Variants in CCDC7 observed in about 807,000 individuals in gnomAD.
CCDC7 encodes the protein coiled-coil domain-containing protein 7.
Under a neutral mutation model 196.9 loss-of-function variants are expected in CCDC7, and 183 were observed. That is an observed-to-expected ratio of 0.93 (90% CI 0.82 to 1.05). The LOEUF (loss-of-function observed/expected upper bound fraction) is 1.05, where lower values mean the gene tolerates loss of function less well. Ranked by LOEUF, CCDC7 falls within the 50% of genes least tolerant of loss-of-function variation. The pLI is 0.00. For synonymous variants in CCDC7, 525 were observed against 484.6 expected, an observed-to-expected ratio of 1.08 and a Z score of -1.10; for missense variants, 1,540 against 1,482.2, an observed-to-expected ratio of 1.04 and a Z score of -0.64.
intron 25 of CCDC7, among the ~76,000 whole-genome samples, chr10:32,714,013 G>A (rs535584097): frequency 2.6e-5 from 4 of 152,278 alleles, no homozygotes; most frequent in South Asian, 2.1e-4. Flanking sequence ...GACTATCAGC[G>A]TGGCTGGCCA....
chr10:32,577,992 G>C (rs2058385383), intron 16 of CCDC7, among the ~76,000 whole-genome samples: 1 of 152,154 alleles, frequency 6.6e-6, no homozygotes, highest in South Asian at 2.1e-4. Context: ...CAAATAACTT[G>C]AAGTATTTTT....
intron 29 of CCDC7, among the ~76,000 whole-genome samples, chr10:32,789,362 GC>G (rs1289342050): frequency 6.6e-6 from 1 of 151,842 alleles, no homozygotes; most frequent in Admixed American, 6.6e-5. Context: ...AGGAAAATAA[GC>G]AAAATGAACT....
At chr10:32,650,608 G>C (rs2068578073) in intron 20 of CCDC7, among the ~76,000 whole-genome samples, 1 of 152,154 alleles carries the variant, frequency 6.6e-6, no homozygotes. Flanking sequence ...GGCATGGCTA[G>C]GTCTCACACC....
At chr10:32,874,477 T>G (rs1041565484) in intron 41 of CCDC7, among the ~76,000 whole-genome samples, 12 of 151,622 alleles carry the variant, frequency 7.9e-5, no homozygotes, top group African/African-American at 2.7e-4. Context: ...ATTATACCAC[T>G]CTGTATGCCT....
At chr10:32,728,462 G>T (rs1200738932) in intron 26 of CCDC7, among the ~76,000 whole-genome samples, 1 of 151,872 alleles carries the variant, frequency 6.6e-6, no homozygotes, top group Non-Finnish European at 1.5e-5. Context: ...CATTGTTTGT[G>T]GTATATATAT....
Position 32,544,099 on chromosome 10 carries a change from C to T in CCDC7, c.1080-148C>T, listed in dbSNP as rs2051994984. The T allele has an allele frequency of 1.1e-5, 6 of 553,784 alleles. No individual in the cohort carries two copies. In the South Asian group the frequency reaches 1.6e-4, roughly 15 times the overall value. 34.3% of individuals were successfully genotyped at this position (553,784 alleles called of 1,614,324 possible). ...GTTATTCAGTTGTTTGTAATTTAGC[C>T]TGTATGAATTTTATGTCTCTTAGAA... On this transcript the variant is annotated intron_variant, in intron 12 of 41. Coordinates refer to ENST00000639629, the Ensembl canonical transcript of CCDC7.
At chr10:32,808,844 G>T (rs763844012) in intron 30 of CCDC7, among the ~76,000 whole-genome samples, 1 of 151,934 alleles carries the variant, frequency 6.6e-6, no homozygotes, top group Non-Finnish European at 1.5e-5. Flanking sequence ...TTATACAGAG[G>T]CCGTATACCA....
intron 28 of CCDC7, among the ~76,000 whole-genome samples, chr10:32,734,146 C>G (rs2084452010): frequency 6.6e-6 from 1 of 152,146 alleles, no homozygotes. Context: ...CATCGCAGCA[C>G]TATTCACAAC....
chr10:32,565,515 A>C (rs1443089952), intron 13 of CCDC7, 43 bp from the exon 15 acceptor site: 10 of 1,579,082 alleles, frequency 6.3e-6, no homozygotes, highest in Non-Finnish European at 8.6e-6. Context: ...ATTAATTAAA[A>C]ATACCAAAGT....
At chr10:32,668,200 G>T in intron 21 of CCDC7, among the ~76,000 whole-genome samples, 1 of 152,130 alleles carries the variant, frequency 6.6e-6, no homozygotes. Flanking sequence ...GAATGCTTGT[G>T]ATTTTTGCAC....
intron 28 of CCDC7, among the ~76,000 whole-genome samples, chr10:32,761,459 T>C (rs932763056): frequency 6.6e-6 from 1 of 151,978 alleles, no homozygotes; most frequent in Admixed American, 6.6e-5. Flanking sequence ...TAACATACTT[T>C]TGCCAAAGTA....
intron 33 of CCDC7, among the ~76,000 whole-genome samples, chr10:32,835,350 T>G (rs78040776): frequency 3.3e-5 from 5 of 152,088 alleles, no homozygotes; most frequent in Non-Finnish European, 5.9e-5. Context: ...ATATTTAGGA[T>G]AGTTAGATCT....
rs977436767 is a variant in CCDC7, at chr10:32,619,908, A to G, written c.1802-14346A>G. Among the ~76,000 whole-genome samples, 8 of 79,890 alleles carry G rather than the reference A, an allele frequency of 1.0e-4. No homozygotes were observed. The Admixed American group carries it at 1.2e-3, about 12-fold the overall frequency. 52.4% of individuals were successfully genotyped at this position (79,890 alleles called of 152,430 possible). A position where few individuals can be genotyped will look rare whatever the true frequency, so the allele number is the denominator to read the frequency against. The stretch of plus-strand genomic sequence containing the variant: ...GCCACTGCTCCCAGCCCTTCAATGT[A>G]CCTTTTTTTTTTTTTTTTTTTTTTT... On this transcript the variant is annotated intron_variant, in intron 18 of 41. Transcript: ENST00000639629.
intron 18 of CCDC7, among the ~76,000 whole-genome samples, chr10:32,597,346 C>T (rs2060494249): frequency 6.6e-6 from 1 of 152,184 alleles, no homozygotes; most frequent in South Asian, 2.1e-4. Context: ...TCATGCAGTT[C>T]TCGTGCCATG....
intron 24 of CCDC7, among the ~76,000 whole-genome samples, chr10:32,699,658 A>C (rs2078318243): frequency 6.7e-6 from 1 of 149,428 alleles, no homozygotes; most frequent in South Asian, 2.1e-4. Flanking sequence ...GAACTAGTTT[A>C]CAGTCCCACC....
intron 24 of CCDC7, among the ~76,000 whole-genome samples, 170 bp downstream of exon 25, chr10:32,695,162 G>A (rs543276158): frequency 6.6e-6 from 1 of 152,188 alleles, no homozygotes; most frequent in South Asian, 2.1e-4. Flanking sequence ...ATATTTGGTT[G>A]GAATTTCTGG....
In CCDC7 at chr10:32,511,258, G is replaced by GGGT. The variant is rs1465013919; in HGVS notation, c.873-6685_873-6684insTGG. 3.6e-4 allele frequency: 234 copies of GGGT among 651,960 alleles called. No homozygotes were observed. In the African/African-American group the frequency reaches 4.9e-3, roughly 14 times the overall value. 40.4% of individuals were successfully genotyped at this position (651,960 alleles called of 1,614,324 possible). A position where few individuals can be genotyped will look rare whatever the true frequency, so the allele number is the denominator to read the frequency against. On this transcript the variant is annotated intron_variant, in intron 9 of 41. Transcript: ENST00000639629. ...TCCTGCCACAGAATTATTCTGTGGG[G>GGGT]GGCGGGGGGGGCGGGGAAATGTACT...
chr10:32,641,291 A>G (rs925047936), intron 20 of CCDC7, among the ~76,000 whole-genome samples: 4 of 152,168 alleles, frequency 2.6e-5, no homozygotes, highest in East Asian at 3.9e-4. Flanking sequence ...AGATACACCA[A>G]TCAGATGTAG....
intron 28 of CCDC7, among the ~76,000 whole-genome samples, chr10:32,766,253 C>A (rs1485722845): frequency 6.6e-6 from 1 of 151,798 alleles, no homozygotes; most frequent in East Asian, 1.9e-4. Flanking sequence ...TCCTACTACC[C>A]AAAAAAACAG....
Sources: allele counts gnomAD v4.1 joint callset (sites outside exome capture counted in the v4.1 genomes callset), GRCh38; gene constraint gnomAD v4.1.1; transcripts MANE v1.5; gene names NCBI Gene and HGNC (gene_info 2026-07-23, HGNC 2026-07-21).